The following TIMM44 variants were observed in gnomAD, a reference collection of about 807,000 sequenced individuals.
TIMM44 encodes the protein translocase of inner mitochondrial membrane 44, also known as mitochondrial import inner membrane translocase subunit TIM44.
TIMM44 carries 37 observed loss-of-function variants against 63.8 expected under a neutral mutation model. The ratio of observed to expected loss-of-function variants is 0.58; its 90% CI spans 0.45 to 0.76. The LOEUF is 0.76. TIMM44 is among the 30% of genes least tolerant of loss of function. The pLI, the probability that TIMM44 is intolerant of heterozygous loss-of-function variation, is 0.00. For synonymous variants in TIMM44, 239 were observed against 245.1 expected (o/e 0.98, Z 0.23); for missense variants, 573 against 603.8 (o/e 0.95, Z 0.54).
intron 12 of TIMM44, 26 bp from the exon 13 acceptor site, chr19:7,927,332 T>C (rs1983841886): frequency 6.2e-7 from 1 of 1,605,982 alleles, no homozygotes; most frequent in Non-Finnish European, 8.5e-7. Flanking sequence ...GGAAGGGCAC[T>C]GTTGAGAGGG....
Position 7,934,853 on chromosome 19 carries a change from A to T in TIMM44, c.393+212T>A, listed in dbSNP as rs1220642392. The stretch of plus-strand genomic sequence containing the variant: ...TGGCTAGCAGCACTTACTGCTGCCG[A>T]CTCCCTGGGTCAACGGTCATGCAAG... On this transcript the variant is annotated intron_variant, in intron 4 of 12. Coordinates refer to ENST00000270538, the MANE Select transcript of TIMM44 (RefSeq NM_006351.4). The surrounding 1 kb of genome is among the most constrained non-coding windows in gnomAD (Gnocchi z 5.3). 6.6e-6 allele frequency among the ~76,000 whole-genome samples: 1 copy of T among 151,914 alleles called. No homozygotes were observed. The highest frequency in any genetic ancestry group is 2.4e-5 in the African/African-American group (1 of 41,332).
chr19:7,927,246 G>T lies in TIMM44; in HGVS notation c.1300C>A (p.Pro434Thr). The change falls in exon 13 of 13, where the codon CCC (proline) becomes ACC (threonine). Residue 434 changes from proline to threonine, a missense_variant. By Grantham distance (38) the Pro-to-Thr change is conservative. Transcript: ENST00000270538. ...TCCAGGAGCCGCCAGGCCGCGTAGG[G>T]GTTGAGCTCGTCCTGGTCTCGGCAG... ...ALCRDQDELN[P>T]YAAWRLLDIS... 3 of 1,612,566 alleles carry T rather than the reference G, an allele frequency of 1.9e-6. No homozygotes were observed. The highest frequency in any genetic ancestry group is 2.5e-6 in the Non-Finnish European group (3 of 1,179,954).
intron 10 of TIMM44, among the ~76,000 whole-genome samples, chr19:7,929,691 C>T (rs866994745): frequency 1.2e-4 from 18 of 147,618 alleles, no homozygotes; most frequent in Non-Finnish European, 2.3e-4. Context: ...GACTCCCAGC[C>T]CCCCCCCAGT....
At chr19:7,936,602 T>C (rs903983270) in intron 3 of TIMM44, among the ~76,000 whole-genome samples, 2 of 152,222 alleles carry the variant, frequency 1.3e-5, no homozygotes, top group Non-Finnish European at 2.9e-5. Flanking sequence ...CGCAGGGCCC[T>C]TACAAATAAA....
In TIMM44 at chr19:7,935,565, G is replaced by A. The variant is rs182359869; in HGVS notation, c.313-420C>T. Among the ~76,000 whole-genome samples, 761 of 152,236 alleles carry A rather than the reference G, an allele frequency of 5.0e-3. 6 individuals are homozygous for A. Among genetic ancestry groups the A allele is most frequent in the African/African-American group, 0.018 (732 of 41,558 alleles). On this transcript the variant is annotated intron_variant, in intron 3 of 12. Coordinates refer to ENST00000270538, the MANE Select transcript of TIMM44 (RefSeq NM_006351.4). The stretch of plus-strand genomic sequence containing the variant: ...TCTTCTCCGCAGCCCCTCCCTCCCC[G>A]CACCTGCCAGCATGTGCTGCCTCCA...
chr19:7,936,531 A>G (rs1984159219), intron 3 of TIMM44, among the ~76,000 whole-genome samples: 1 of 152,244 alleles, frequency 6.6e-6, no homozygotes, highest in Non-Finnish European at 1.5e-5. Flanking sequence ...GACCCGTGGC[A>G]GGTGCCTGCA....
chr19:7,930,649 A>G (rs1983954357), intron 10 of TIMM44, among the ~76,000 whole-genome samples: 2 of 152,032 alleles, frequency 1.3e-5, no homozygotes, highest in Admixed American at 6.6e-5. Context: ...GGATCTTGCT[A>G]TGTTTCCCAG....
chr19:7,927,167 A>ACCTGGCT lies in TIMM44; in HGVS notation c.*13_*19dup. ...GTGCCTGATGACCCAGGCCGGGGCT[A>ACCTGGCT]CCTGGCTCCGGCACCACACTCAGAG... On this transcript the variant is annotated 3_prime_UTR_variant, in exon 13 of 13. Transcript: ENST00000270538. 1 of 1,600,624 alleles carries ACCTGGCT rather than the reference A, an allele frequency of 6.2e-7. No individual in the cohort carries two copies. Among genetic ancestry groups the ACCTGGCT allele is most frequent in the Non-Finnish European group, 8.5e-7 (1 of 1,177,842 alleles).
chr19:7,933,629 C>T lies in TIMM44; in HGVS notation c.684-59G>A. On this transcript the variant is annotated intron_variant, in intron 6 of 12. Transcript: ENST00000270538. The surrounding 1 kb of genome is among the most constrained non-coding windows in gnomAD (Gnocchi z 4.3). ...GGCGCCAGGGCCACCCTGTGCCCTC[C>T]TGCGGCTGCAGGCAGGGGGCAGTAC... The T allele has an allele frequency of 6.7e-7, 1 of 1,498,906 alleles. No individual in the cohort carries two copies. Among genetic ancestry groups the T allele is most frequent in the Non-Finnish European group, 9.3e-7 (1 of 1,075,804 alleles). The allele number at this position is 1,498,906 out of a possible 1,614,324, so 92.9% of individuals were successfully genotyped here. A position where few individuals can be genotyped will look rare whatever the true frequency, so the allele number is the denominator to read the frequency against.
Position 7,927,023 on chromosome 19 carries a change from G to GCCCGTTGTCCCCT in TIMM44, c.*151_*163dup. The GCCCGTTGTCCCCT allele has an allele frequency of 9.9e-7, 1 of 1,010,666 alleles. No individual in the cohort carries two copies. The highest frequency in any genetic ancestry group is 2.7e-5 in the East Asian group (1 of 37,492). 62.6% of individuals were successfully genotyped at this position (1,010,666 alleles called of 1,614,324 possible). On this transcript the variant is annotated 3_prime_UTR_variant, in exon 13 of 13. Coordinates refer to ENST00000270538, the MANE Select transcript of TIMM44 (RefSeq NM_006351.4). Reference sequence around the variant, plus strand: ...CTCCAGCTGCCGCGCACCCGCAACAGCCCGTTGTCCCCTCCCGGGCCAGCT... The same window carrying GCCCGTTGTCCCCT: ...CTCCAGCTGCCGCGCACCCGCAACAGCCCGTTGTCCCCTCCCGTTGTCCCCTCCCGGGCCAGCT...
rs1271936658 is a variant in TIMM44, at chr19:7,926,988, G to C, written c.*199C>G. ...GCAACAGGGCAGGGGTTGGCCCTGC[G>C]GGGGAGTGTCTCCAGCTGCCGCGCA... On this transcript the variant is annotated 3_prime_UTR_variant, in exon 13 of 13. Coordinates refer to ENST00000270538, the MANE Select transcript of TIMM44 (RefSeq NM_006351.4). 2.8e-6 allele frequency: 2 copies of C among 723,092 alleles called. No homozygotes were observed. Among genetic ancestry groups the C allele is most frequent in the Admixed American group, 2.3e-5 (1 of 43,662 alleles). The allele number at this position is 723,092 out of a possible 1,614,324, so 44.8% of individuals were successfully genotyped here. A position where few individuals can be genotyped will look rare whatever the true frequency, so the allele number is the denominator to read the frequency against.
Position 7,928,062 on chromosome 19 carries a change from C to A in TIMM44, c.1128+15G>T. The A allele has an allele frequency of 6.2e-7, 1 of 1,611,878 alleles. No homozygotes were observed. ...CCCCCGATGGTGGCCCGGGCCCCCA[C>A]TGCGAGGTGCTTACGTCGACGTTGT... On this transcript the variant is annotated intron_variant, in intron 11 of 12. Coordinates refer to ENST00000270538, the MANE Select transcript of TIMM44 (RefSeq NM_006351.4).
rs1275753533 is a variant in TIMM44, at chr19:7,927,037, C to T, written c.*150G>A. ...CACCCGCAACAGCCCGTTGTCCCCT[C>T]CCGGGCCAGCTGGTCTTGCAGCCGT... On this transcript the variant is annotated 3_prime_UTR_variant, in exon 13 of 13. Transcript: ENST00000270538. 8.3e-7 allele frequency: 1 copy of T among 1,200,956 alleles called. No individual in the cohort carries two copies. Among genetic ancestry groups the T allele is most frequent in the Non-Finnish European group, 1.2e-6 (1 of 853,398 alleles). The allele number at this position is 1,200,956 out of a possible 1,614,324, so 74.4% of individuals were successfully genotyped here.
intron 3 of TIMM44, 33 bp downstream of exon 3, chr19:7,937,994 G>T (rs961747739): frequency 6.2e-6 from 10 of 1,613,186 alleles, no homozygotes; most frequent in Non-Finnish European, 8.5e-6. Context: ...CTCCAGCCTG[G>T]GTGAGGGAAA....
rs775379318 is a variant in TIMM44 at position 7,927,787 on chromosome 19, G to A, written c.1129-20C>T. 9 of 1,605,782 alleles carry A rather than the reference G, an allele frequency of 5.6e-6. No homozygotes were observed. The highest frequency in any genetic ancestry group is 7.6e-6 in the Non-Finnish European group (9 of 1,178,066). On this transcript the variant is annotated intron_variant, in intron 11 of 12. Coordinates refer to ENST00000270538, the MANE Select transcript of TIMM44 (RefSeq NM_006351.4). The stretch of plus-strand genomic sequence containing the variant: ...GGCCAGCTGCAGAGGGGCCGAGAGG[G>A]GGGATGTGCCTCAGAGGACAGCCCG...
chr19:7,927,351 A>AC (rs779558653), intron 12 of TIMM44, 45 bp from the exon 13 acceptor site: 1 of 1,584,186 alleles, frequency 6.3e-7, no homozygotes, highest in South Asian at 1.1e-5. Context: ...GGTTGAGGTG[A>AC]CCCAGGCAGC....
At chr19:7,942,376 G>A (rs1984333839) in intron 1 of TIMM44, among the ~76,000 whole-genome samples, 1 of 152,088 alleles carries the variant, frequency 6.6e-6, no homozygotes, top group East Asian at 1.9e-4. Context: ...GATCGTTTGA[G>A]CTCAGGAGTT....
chr19:7,935,026 G>A lies in TIMM44; in HGVS notation c.393+39C>T, dbSNP rs376091343. On this transcript the variant is annotated intron_variant, in intron 4 of 12. Coordinates refer to ENST00000270538, the MANE Select transcript of TIMM44 (RefSeq NM_006351.4). ...CAGCCTCCAGCGGCCAGGGGACTTT[G>A]ATGGCCCCAGCGGCTCCAGGCGGGC... The A allele has an allele frequency of 8.4e-5, 133 of 1,582,908 alleles. 1 individual carries two copies. Among genetic ancestry groups the A allele is most frequent in the Non-Finnish European group, 1.1e-4 (125 of 1,159,806 alleles).
chr19:7,933,916 T>C lies in TIMM44; in HGVS notation c.631A>G (p.Thr211Ala). The C allele has an allele frequency of 6.2e-7, 1 of 1,614,156 alleles. No individual in the cohort carries two copies. Among genetic ancestry groups the C allele is most frequent in the Non-Finnish European group, 8.5e-7 (1 of 1,180,016 alleles). ...YRRPQRLRKR[T>A]EFAGDKFKEE... ...TTGAACTTATCTCCCGCAAACTCCG[T>C]TCTCTTCCGGAGTCGCTGGGGCCTC... Residue 211 changes from threonine to alanine, a missense_variant, in exon 6 of 13, where the codon ACG becomes GCG. Physicochemically the swap from Thr to Ala is moderately conservative, Grantham distance 58. Transcript: ENST00000270538. The surrounding 1 kb of genome is among the most constrained non-coding windows in gnomAD (Gnocchi z 4.3).
Sources: gnomAD v4.1 joint callset for allele counts (sites outside exome capture counted in the v4.1 genomes callset) on GRCh38, gnomAD v4.1.1 for gene constraint, Gnocchi (gnomAD v3.1) non-coding constraint, MANE v1.5 for transcripts, NCBI Gene and HGNC (gene_info 2026-07-23, HGNC 2026-07-21) for gene names.